GASK1B: variants seen among roughly 807,000 people sequenced by gnomAD.
GASK1B encodes Golgi-associated kinase 1B.
In GASK1B, 34 loss-of-function variants were observed where a neutral mutation model predicts 42.8. The ratio of observed to expected loss-of-function variants is 0.79; its 90% CI spans 0.60 to 1.06. The LOEUF (loss-of-function observed/expected upper bound fraction) is 1.06. GASK1B is among the 50% of genes least tolerant of loss of function. The pLI, the probability that GASK1B is intolerant of heterozygous loss-of-function variation, is 0.00. For missense variants in GASK1B, 686 were observed against 661.0 expected, an observed-to-expected ratio of 1.04 and a Z score of -0.42; for synonymous variants, 262 against 259.1, an observed-to-expected ratio of 1.01 and a Z score of -0.11.
intron 4 of GASK1B, among the ~76,000 whole-genome samples, chr4:158,129,664 A>C (rs1357970227): frequency 6.6e-6 from 1 of 152,204 alleles, no homozygotes; most frequent in Non-Finnish European, 1.5e-5. Context: ...TACAGAAAAA[A>C]AAAATACTGG....
At chr4:158,161,280 A>G (rs1731991073) in intron 2 of GASK1B, among the ~76,000 whole-genome samples, 1 of 152,146 alleles carries the variant, frequency 6.6e-6, no homozygotes, top group African/African-American at 2.4e-5. Context: ...ATATACAAAT[A>G]TTATTTTTCA....
At chr4:158,159,576 T>C in intron 2 of GASK1B, 1 of 439,356 alleles carries the variant, frequency 2.3e-6, no homozygotes, top group Non-Finnish European at 4.5e-6. Flanking sequence ...GTCAAAATGA[T>C]GCAGTACTGG....
chr4:158,157,245 C>T (rs1731791025), intron 2 of GASK1B, among the ~76,000 whole-genome samples: 1 of 152,070 alleles, frequency 6.6e-6, no homozygotes, highest in East Asian at 1.9e-4. Flanking sequence ...GGAAAATATG[C>T]CACAATCATT....
chr4:158,126,700 G>C lies in GASK1B; in HGVS notation c.*707C>G, dbSNP rs1187452780. The C allele has an allele frequency of 6.6e-6, 1 of 151,986 alleles. No individual in the cohort carries two copies. The highest frequency in any genetic ancestry group is 1.5e-5 in the Non-Finnish European group (1 of 67,998). 9.4% of individuals were successfully genotyped at this position (151,986 alleles called of 1,614,324 possible). On this transcript the variant is annotated 3_prime_UTR_variant, in exon 5 of 5. Coordinates refer to ENST00000585682, the MANE Select transcript of GASK1B (RefSeq NM_001128424.2). ...GATACAAATTGGACCAAAATAGAGA[G>C]AGTAAAACTCTTTAACATATAAATT...
At chr4:158,149,011 C>T (rs1731438626) in intron 3 of GASK1B, among the ~76,000 whole-genome samples, 1 of 152,144 alleles carries the variant, frequency 6.6e-6, no homozygotes, top group Non-Finnish European at 1.5e-5. Flanking sequence ...TTACTACTCC[C>T]CTCAAAGAAC....
At chr4:158,169,160 G>A (rs572607925) in intron 2 of GASK1B, 18 of 152,154 alleles carry the variant, frequency 1.2e-4, no homozygotes, top group Non-Finnish European at 2.4e-4. Flanking sequence ...GAAAATTCTA[G>A]GAGCCAACAC....
chr4:158,171,978 T>A (rs1051447298), intron 1 of GASK1B, among the ~76,000 whole-genome samples: 16 of 152,242 alleles, frequency 1.1e-4, no homozygotes, highest in African/African-American at 3.4e-4. Context: ...TTTAAAGTCC[T>A]GAATTAACTA....
chr4:158,171,738 C>T (rs543275577), intron 1 of GASK1B, 139 bp from the exon 2 acceptor site: 6 of 171,242 alleles, frequency 3.5e-5, no homozygotes, highest in African/African-American at 1.4e-4. Flanking sequence ...AATTTAAAAG[C>T]ATGCAAACGA....
chr4:158,128,252 A>C (rs2110920189), intron 4 of GASK1B, among the ~76,000 whole-genome samples: 1 of 152,290 alleles, frequency 6.6e-6, no homozygotes, highest in Middle Eastern at 3.4e-3. Flanking sequence ...TTTTCAAATA[A>C]ATTCAGCAAA....
chr4:158,170,432 C>T lies in GASK1B; in HGVS notation c.910+34G>A, dbSNP rs190496128. The T allele has an allele frequency of 1.5e-5, 24 of 1,614,232 alleles. No homozygotes were observed. The East Asian group carries it at 4.9e-4, about 33-fold the overall frequency. ...AAAGAAAATGAACCAGAATCCCCAACAGCTGCAAATAACGAAGCATGTGAA... is the reference window on the plus strand; with the variant it reads ...AAAGAAAATGAACCAGAATCCCCAATAGCTGCAAATAACGAAGCATGTGAA... On this transcript the variant is annotated intron_variant, in intron 2 of 4. Coordinates refer to ENST00000585682, the MANE Select transcript of GASK1B (RefSeq NM_001128424.2).
chr4:158,161,301 A>G (rs1186341095), intron 2 of GASK1B, among the ~76,000 whole-genome samples: 1 of 152,148 alleles, frequency 6.6e-6, no homozygotes, highest in Non-Finnish European at 1.5e-5. Context: ...ACTTAAAATT[A>G]AATTAAATAA....
chr4:158,133,777 C>T (rs1364845559), intron 3 of GASK1B, among the ~76,000 whole-genome samples: 2 of 152,182 alleles, frequency 1.3e-5, no homozygotes, highest in Admixed American at 6.5e-5. Flanking sequence ...GACTGTTGTG[C>T]CATTCAGATC....
rs144840777 is a variant in GASK1B at position 158,127,444 on chromosome 4, T to C, written c.1523A>G (p.Asn508Ser). ...AGGTAATACTTTGACCCCGTGTGCA[T>C]TGATATAGGTGATAAGAATTTTGGC... ...HRAKILITYI[N>S]AHGVKVLPMN... Residue 508 changes from asparagine (N) to serine (S), a missense_variant, in exon 5 of 5, where the codon AAT (asparagine) becomes AGT (serine). Physicochemically the swap from Asn to Ser is conservative, Grantham distance 46 (BLOSUM62 1). Transcript: ENST00000585682. 123 of 1,613,658 alleles carry C rather than the reference T, an allele frequency of 7.6e-5. No homozygotes were observed. The East Asian group carries it at 2.4e-3, about 32-fold the overall frequency.
chr4:158,152,696 G>T (rs1278631122), intron 3 of GASK1B, among the ~76,000 whole-genome samples: 1 of 152,106 alleles, frequency 6.6e-6, no homozygotes, highest in East Asian at 1.9e-4. Flanking sequence ...TTTAACATAT[G>T]CAAGCAAGTC....
intron 3 of GASK1B, among the ~76,000 whole-genome samples, chr4:158,153,219 A>C (rs1731624610): frequency 6.6e-6 from 1 of 152,204 alleles, no homozygotes; most frequent in South Asian, 2.1e-4. Context: ...CCAAGCTGAG[A>C]ATCAAATCAA....
chr4:158,133,591 T>A (rs1307450062), intron 3 of GASK1B, among the ~76,000 whole-genome samples: 1 of 152,240 alleles, frequency 6.6e-6, no homozygotes, highest in Non-Finnish European at 1.5e-5. Flanking sequence ...TATATTTTTC[T>A]ATTTTTAAAC....
At chr4:158,136,193 A>G (rs906413264) in intron 3 of GASK1B, among the ~76,000 whole-genome samples, 1 of 152,026 alleles carries the variant, frequency 6.6e-6, no homozygotes, top group Non-Finnish European at 1.5e-5. Flanking sequence ...GAGTAAGGGG[A>G]ACATTAGGGC....
chr4:158,127,534 A>G lies in GASK1B; in HGVS notation c.1433T>C (p.Val478Ala), dbSNP rs759040738. ...KLLQSLFLDK[V>A]YWESQGGRQG... is the part of the protein sequence containing the mutation. ...TCTACCTCCTTGACTTTCCCAATAC[A>G]CTTTATCAAGAAACAGAGACTGAAG... The change falls in exon 5 of 5, where the codon GTG becomes GCG. Residue 478 changes from valine to alanine, a missense_variant. Coordinates refer to ENST00000585682, the MANE Select transcript of GASK1B (RefSeq NM_001128424.2). 8.1e-6 allele frequency: 13 copies of G among 1,613,714 alleles called. No individual in the cohort carries two copies. In the East Asian group the frequency reaches 2.9e-4, roughly 36 times the overall value.
At chr4:158,137,725 G>T (rs1451107238) in intron 3 of GASK1B, among the ~76,000 whole-genome samples, 1 of 151,724 alleles carries the variant, frequency 6.6e-6, no homozygotes, top group East Asian at 1.9e-4. Flanking sequence ...ATTCCCCCCT[G>T]CTCCACCCCC....
Sources: allele counts gnomAD v4.1 joint callset (sites outside exome capture counted in the v4.1 genomes callset), GRCh38; gene constraint gnomAD v4.1.1; transcripts MANE v1.5; gene names NCBI Gene and HGNC (gene_info 2026-07-23, HGNC 2026-07-21).